The following ZDBF2 variants were observed in gnomAD, a reference collection of about 807,000 sequenced individuals.
ZDBF2 encodes zinc finger DBF-type containing 2, also known as DBF4-type zinc finger-containing protein 2.
A neutral mutation model predicts 9.4 loss-of-function variants in ZDBF2; 6 were observed. That is an observed-to-expected ratio of 0.64 (90% CI 0.35 to 1.27). The LOEUF (loss-of-function observed/expected upper bound fraction) is 1.27. Among genes scored for constraint, ZDBF2 ranks in the 50% most tolerant of loss-of-function variants. ZDBF2 has a pLI of 0.03. For missense variants in ZDBF2, 2,697 were observed against 2,766.8 expected (o/e 0.97, Z 0.57); for synonymous variants, 905 against 946.3 (o/e 0.96, Z 0.80).
At chr2:206,289,359 C>T (rs1447797393) in intron 3 of ZDBF2, among the ~76,000 whole-genome samples, 1 of 152,104 alleles carries the variant, frequency 6.6e-6, no homozygotes, top group Non-Finnish European at 1.5e-5. Context: ...GCTACTTCAA[C>T]CTAGGCACTG....
Position 206,281,919 on chromosome 2 carries a change from T to A in ZDBF2, c.60+10T>A. The A allele has an allele frequency of 2.5e-6, 4 of 1,610,192 alleles. No homozygotes were observed. The highest frequency in any genetic ancestry group is 3.4e-6 in the Non-Finnish European group (4 of 1,178,102). On this transcript the variant is annotated intron_variant, in intron 3 of 4. Transcript: ENST00000374423. ...TAATAACCTGGAACAGGTGAGCGGT[T>A]TCTATTAATATGATAATATCTCAAA...
intron 1 of ZDBF2, among the ~76,000 whole-genome samples, chr2:206,276,314 T>C (rs780245796): frequency 5.9e-5 from 9 of 152,140 alleles, no homozygotes; most frequent in Non-Finnish European, 1.3e-4. Flanking sequence ...GAAAAATCTT[T>C]TAAGTGTGCG....
At chr2:206,298,097 A>G (rs1169198071) in intron 4 of ZDBF2, among the ~76,000 whole-genome samples, 1 of 152,238 alleles carries the variant, frequency 6.6e-6, no homozygotes, top group African/African-American at 2.4e-5. Context: ...TTCTGAGGAA[A>G]AGAGGTAGCC....
At chr2:206,289,284 T>G (rs1691762201) in intron 3 of ZDBF2, among the ~76,000 whole-genome samples, 1 of 152,098 alleles carries the variant, frequency 6.6e-6, no homozygotes, top group South Asian at 2.1e-4. Flanking sequence ...AGGTGCCACT[T>G]CAGCTTAGGT....
rs890944425 is a variant in ZDBF2, at chr2:206,306,041, A to G, written c.1513A>G (p.Thr505Ala). 1.2e-6 allele frequency: 2 copies of G among 1,613,742 alleles called. No individual in the cohort carries two copies. Among genetic ancestry groups the G allele is most frequent in the Non-Finnish European group, 8.5e-7 (1 of 1,179,772 alleles). ...NFDCDASPQS[T>A]SDYPQQSVTE... ...TGATTGTGATGCTTCACCTCAGTCC[A>G]CTAGTGACTACCCCCAACAATCTGT... Residue 505 changes from threonine (T) to alanine (A), a missense_variant, in exon 5 of 5, where the codon ACT (threonine) becomes GCT (alanine). Coordinates refer to ENST00000374423, the MANE Select transcript of ZDBF2 (RefSeq NM_020923.3).
intron 3 of ZDBF2, among the ~76,000 whole-genome samples, chr2:206,291,841 G>A (rs1210180845): frequency 1.3e-5 from 2 of 152,102 alleles, no homozygotes; most frequent in African/African-American, 4.8e-5. Flanking sequence ...TAAAAGCAGT[G>A]AAGTAATATG....
rs779752775 is a variant in ZDBF2 at position 206,309,957 on chromosome 2, A to G, written c.5429A>G (p.Asp1810Gly). Residue 1810 changes from aspartate to glycine, a missense_variant, in exon 5 of 5, where the codon GAT (aspartate) becomes GGT (glycine). Asp to Gly is a moderately conservative substitution (Grantham distance 94). This residue lies in a region of ZDBF2 where 1,783 missense variants were observed against 1,776.5 expected (regional missense o/e 1.00). Coordinates refer to ENST00000374423, the MANE Select transcript of ZDBF2 (RefSeq NM_020923.3). ...NLKKAKDVIE[D>G]NPDEPVLEAL... ...AAAAAAGCAAAGGATGTCATAGAGG[A>G]TAATCCTGATGAACCAGTTCTTGAA... 4.5e-5 allele frequency: 73 copies of G among 1,613,530 alleles called. 1 individual carries two copies. In the South Asian group the frequency reaches 7.4e-4, roughly 16 times the overall value.
chr2:206,281,935 A>T (rs1439031950), intron 3 of ZDBF2, 26 bp downstream of exon 3: 1 of 1,596,488 alleles, frequency 6.3e-7, no homozygotes, highest in South Asian at 1.1e-5. Context: ...TAATATGATA[A>T]TATCTCAAAG....
chr2:206,276,426 C>G (rs1691006806), intron 1 of ZDBF2, among the ~76,000 whole-genome samples: 2 of 152,214 alleles, frequency 1.3e-5, no homozygotes, highest in African/African-American at 4.8e-5. Flanking sequence ...GTACTGTCAG[C>G]ACTCAAATGA....
chr2:206,304,894 T>C lies in ZDBF2; in HGVS notation c.366T>C (p.His122=), dbSNP rs1692689723. The C allele has an allele frequency of 1.2e-6, 2 of 1,613,738 alleles. No homozygotes were observed. The highest frequency in any genetic ancestry group is 1.7e-4 in the Middle Eastern group (1 of 6,060). ...EPIEELHSRP[H]KSQEGTQEVS... is the part of the protein sequence containing the mutation. ...TTGAAGAGTTACATTCCAGACCTCA[T>C]AAATCTCAGGAAGGCACGCAGGAGG... is the stretch of plus-strand genomic sequence containing the variant. The change falls in exon 5 of 5, where the codon CAT becomes CAC. Residue 122 remains histidine, a synonymous_variant. Coordinates refer to ENST00000374423, the MANE Select transcript of ZDBF2 (RefSeq NM_020923.3).
chr2:206,293,295 T>C (rs1357833826), intron 3 of ZDBF2, among the ~76,000 whole-genome samples: 1 of 151,968 alleles, frequency 6.6e-6, no homozygotes, highest in Non-Finnish European at 1.5e-5. Flanking sequence ...ACCCTGCATA[T>C]AAAAATCAGT....
chr2:206,291,189 C>T (rs987323662), intron 3 of ZDBF2, among the ~76,000 whole-genome samples: 11 of 152,062 alleles, frequency 7.2e-5, no homozygotes, highest in Admixed American at 1.3e-4. Context: ...GGACTGGTTT[C>T]GTGGAAGACA....
Position 206,305,335 on chromosome 2 carries a change from G to C in ZDBF2, c.807G>C (p.Leu269Phe). ...CTTTACGCATGAATTCAGATAAGTT[G>C]GTTTTGTGGAAAGATGTAAAATCTC... ...RKSLRMNSDKLVLWKDVKSQG... is the reference protein window; with the variant it reads ...RKSLRMNSDKFVLWKDVKSQG... The change falls in exon 5 of 5, where the codon TTG becomes TTC. Residue 269 changes from leucine (L) to phenylalanine (F), a missense_variant. By Grantham distance (22) the Leu-to-Phe change is conservative (BLOSUM62 0). Coordinates refer to ENST00000374423, the MANE Select transcript of ZDBF2 (RefSeq NM_020923.3). 1 of 1,612,150 alleles carries C rather than the reference G, an allele frequency of 6.2e-7. No homozygotes were observed. Among genetic ancestry groups the C allele is most frequent in the South Asian group, 1.1e-5 (1 of 90,690 alleles).
intron 1 of ZDBF2, among the ~76,000 whole-genome samples, chr2:206,277,281 C>G (rs939131486): frequency 2.1e-5 from 3 of 141,594 alleles, no homozygotes; most frequent in Non-Finnish European, 4.7e-5. Context: ...GCAGCTGGTG[C>G]AGATCTCAGG....
rs762568697 is a variant in ZDBF2, at chr2:206,308,649, T to C, written c.4121T>C (p.Phe1374Ser). The change falls in exon 5 of 5, where the codon TTT (phenylalanine) becomes TCT (serine). Residue 1374 changes from phenylalanine to serine, a missense_variant. Phe to Ser is a radical substitution (Grantham distance 155, BLOSUM62 -2). This residue lies in a region of ZDBF2 where 1,783 missense variants were observed against 1,776.5 expected (regional missense o/e 1.00). Coordinates refer to ENST00000374423, the MANE Select transcript of ZDBF2 (RefSeq NM_020923.3). ...PEESSDSNDS[F>S]QAAADELQKP... ...GAAAGTTCTGATTCCAATGACTCTT[T>C]TCAGGCAGCAGCAGATGAGCTTCAA... is the stretch of plus-strand genomic sequence containing the variant. 2 of 1,612,476 alleles carry C rather than the reference T, an allele frequency of 1.2e-6. No homozygotes were observed. The highest frequency in any genetic ancestry group is 4.5e-5 in the East Asian group (2 of 44,880).
At chr2:206,300,558 G>A (rs1408534278) in intron 4 of ZDBF2, among the ~76,000 whole-genome samples, 2 of 152,134 alleles carry the variant, frequency 1.3e-5, no homozygotes, top group Admixed American at 6.5e-5. Flanking sequence ...ACATAATGTT[G>A]CCGTGTCATT....
chr2:206,297,774 G>A (rs1357423010), intron 4 of ZDBF2, among the ~76,000 whole-genome samples: 1 of 152,152 alleles, frequency 6.6e-6, no homozygotes, highest in African/African-American at 2.4e-5. Flanking sequence ...CCACCACCCA[G>A]GTTCAAGCGA....
chr2:206,306,697 A>G lies in ZDBF2; in HGVS notation c.2169A>G (p.Gln723=). 1 of 1,613,854 alleles carries G rather than the reference A, an allele frequency of 6.2e-7. No individual in the cohort carries two copies. The highest frequency in any genetic ancestry group is 1.1e-5 in the South Asian group (1 of 91,082). The change falls in exon 5 of 5, where the codon CAA becomes CAG. Residue 723 remains glutamine (Q), a synonymous_variant. Transcript: ENST00000374423. ...ATCATTCAGCTCATGATGAGCCTCA[A>G]GAAGCTTTGGATGAAGTAAATCTTA... The part of the protein sequence containing the change: ...SLYHSAHDEP[Q]EALDEVNLKE...
intron 1 of ZDBF2, among the ~76,000 whole-genome samples, chr2:206,276,122 AAAT>A (rs1320091788): frequency 6.6e-6 from 1 of 152,236 alleles, no homozygotes; most frequent in African/African-American, 2.4e-5. Context: ...ATTTAAAAAA[AAAT>A]AAGATCGCAT....
Sources: gnomAD v4.1 joint callset for allele counts (sites outside exome capture counted in the v4.1 genomes callset) on GRCh38, gnomAD v4.1.1 for gene constraint, gnomAD v4.1.1 regional missense constraint, MANE v1.5 for transcripts, NCBI Gene and HGNC (gene_info 2026-07-23, HGNC 2026-07-21) for gene names.